Variants in VBP1 observed in about 807,000 individuals in gnomAD.
VBP1 encodes prefoldin subunit 3.
Under a neutral mutation model 15.5 loss-of-function variants are expected in VBP1, and 4 were observed. The ratio of observed to expected loss-of-function variants is 0.26; its 90% CI spans 0.13 to 0.59. The LOEUF is 0.59. Among genes scored for constraint, VBP1 ranks in the 20% least tolerant of loss-of-function variants. VBP1 has a pLI of 0.90. For missense variants in VBP1, 108 were observed against 139.6 expected (o/e 0.77, Z 1.14); for synonymous variants, 61 against 52.1 (o/e 1.17, Z -0.74).
chrX:155,236,729 G>A (rs782678311), intron 5 of VBP1, among the ~76,000 whole-genome samples: 6 of 112,808 alleles, frequency 5.3e-5, no homozygotes, highest in Non-Finnish European at 1.1e-4. Context: ...TAAGTTTGTA[G>A]ATAGATTAGT....
At chrX:155,206,567 G>A (rs1369214505) in intron 1 of VBP1, among the ~76,000 whole-genome samples, 1 of 110,922 alleles carries the variant, frequency 9.0e-6, no homozygotes, top group Non-Finnish European at 1.9e-5. Flanking sequence ...GAAGGAGCAA[G>A]TCAAGTGGAA....
At chrX:155,220,558 C>T (rs1259886760) in intron 2 of VBP1, among the ~76,000 whole-genome samples, 1 of 111,189 alleles carries the variant, frequency 9.0e-6, no homozygotes, top group African/African-American at 3.3e-5. Flanking sequence ...GACTGTATTC[C>T]AAAGCTTTCA....
rs782229870 is a variant in VBP1, at chrX:155,236,210, C to T, written c.385-19C>T. ...CTCTGTGTAAATATTGAGTAATTGT[C>T]ATGACTTTCTCTCTTCAGGCTAATG... On this transcript the variant is annotated intron_variant, in intron 4 of 5. Transcript: ENST00000286428. 1 of 1,202,163 alleles carries T rather than the reference C, an allele frequency of 8.3e-7. No individual in the cohort carries two copies. Among genetic ancestry groups the T allele is most frequent in the South Asian group, 1.8e-5 (1 of 55,427 alleles).
At position 155,220,690 on chromosome X, in the gene VBP1, G is replaced by A. The variant is rs1231633468; in HGVS notation, c.218+383G>A. On this transcript the variant is annotated intron_variant, in intron 2 of 5. Coordinates refer to ENST00000286428, the MANE Select transcript of VBP1 (RefSeq NM_003372.7). ...AATCCCAAGATTTCATAACTAATAG[G>A]CATAGGAAAAAAGCTATCCTTACTC... Among the ~76,000 whole-genome samples the A allele has an allele frequency of 3.6e-5, 4 of 111,701 alleles. No homozygotes were observed. The Admixed American group carries it at 3.8e-4, about 11-fold the overall frequency.
rs185945229 is a variant in VBP1 at position 155,197,792 on chromosome X, G to A, written c.-31+653G>A. On this transcript the variant is annotated intron_variant, in intron 1 of 6. Transcript: ENST00000535916. ...GAGTGCAGCGCACTGTGCGCAAGCC[G>A]AAGCAGGGCGAGGCATTGCCTCACT... is the stretch of plus-strand genomic sequence containing the variant. Among the ~76,000 whole-genome samples the A allele has an allele frequency of 5.2e-3, 581 of 112,467 alleles. 3 individuals carry two copies. Among genetic ancestry groups the A allele is most frequent in the African/African-American group, 0.018 (551 of 31,143 alleles).
rs782580163 is a variant in VBP1, at chrX:155,220,173, G to T, written c.94-10G>T. The stretch of plus-strand genomic sequence containing the variant: ...CTAAAATTTGTAAAGTATTATTTTT[G>T]ATATTAAAGGAAGATGTAGATTCCT... On this transcript the variant is annotated splice_polypyrimidine_tract_variant and intron_variant, in intron 1 of 5. Coordinates refer to ENST00000286428, the MANE Select transcript of VBP1 (RefSeq NM_003372.7). 23 of 1,187,749 alleles carry T rather than the reference G, an allele frequency of 1.9e-5. No individual in the cohort carries two copies. In the Middle Eastern group the frequency reaches 7.1e-4, roughly 37 times the overall value.
In VBP1 at chrX:155,228,371, T is replaced by TC; in HGVS notation, c.286-13_286-12insC. On this transcript the variant is annotated splice_polypyrimidine_tract_variant and intron_variant, in intron 3 of 5. Coordinates refer to ENST00000286428, the MANE Select transcript of VBP1 (RefSeq NM_003372.7). ...CTGTTTATGGTACTGTCATTTTTTT[T>TC]TTTGTTTTGAAGGAGTCCACCAACT... The TC allele has an allele frequency of 8.4e-7, 1 of 1,191,256 alleles. No individual in the cohort carries two copies. Among genetic ancestry groups the TC allele is most frequent in the Non-Finnish European group, 1.1e-6 (1 of 884,589 alleles).
In VBP1 at chrX:155,239,727, T is replaced by C. The variant is rs1569561014; in HGVS notation, c.*885T>C. 1 of 112,398 alleles carries C rather than the reference T, an allele frequency of 8.9e-6. No individual in the cohort carries two copies. Among genetic ancestry groups the C allele is most frequent in the African/African-American group, 3.2e-5 (1 of 30,882 alleles). The allele number at this position is 112,398 out of a possible 1,213,427, so 9.3% of individuals were successfully genotyped here. A position where few individuals can be genotyped will look rare whatever the true frequency, so the allele number is the denominator to read the frequency against. On this transcript the variant is annotated 3_prime_UTR_variant, in exon 6 of 6. Coordinates refer to ENST00000286428, the MANE Select transcript of VBP1 (RefSeq NM_003372.7). Reference sequence around the variant, plus strand: ...ATACAGATTCTGATAAAAACATAAATGTATTAGTTCATCTCCATGTAGTAA... The same window carrying C: ...ATACAGATTCTGATAAAAACATAAACGTATTAGTTCATCTCCATGTAGTAA...
upstream of VBP1, among the ~76,000 whole-genome samples, chrX:155,214,974 C>T (rs1206194628): frequency 9.1e-6 from 1 of 110,017 alleles, no homozygotes; most frequent in African/African-American, 3.3e-5. Context: ...AAAACATGAG[C>T]GATAAGCTGA....
Position 155,239,526 on chromosome X carries a change from G to A in VBP1, c.*684G>A. Reference sequence around the variant, plus strand: ...TTACTCATTCAAAACTCTGCCTAAGGTGATTTTGTAGTTCTTAACAGTTCT... The same window carrying A: ...TTACTCATTCAAAACTCTGCCTAAGATGATTTTGTAGTTCTTAACAGTTCT... On this transcript the variant is annotated 3_prime_UTR_variant, in exon 6 of 6. Coordinates refer to ENST00000286428, the MANE Select transcript of VBP1 (RefSeq NM_003372.7). 8.9e-6 allele frequency: 1 copy of A among 111,903 alleles called. No individual in the cohort carries two copies. The highest frequency in any genetic ancestry group is 1.9e-5 in the Non-Finnish European group (1 of 53,223). The allele number at this position is 111,903 out of a possible 1,213,427, so 9.2% of individuals were successfully genotyped here. A position where few individuals can be genotyped will look rare whatever the true frequency, so the allele number is the denominator to read the frequency against.
intron 4 of VBP1, among the ~76,000 whole-genome samples, chrX:155,228,849 G>A (rs1363969349): frequency 1.8e-5 from 2 of 112,151 alleles, no homozygotes; most frequent in Non-Finnish European, 3.8e-5. Flanking sequence ...TTAGATAAAC[G>A]CTTCTTCCCA....
chrX:155,236,113 A>G (rs2074771424), intron 4 of VBP1, 116 bp from the exon 5 acceptor site: 2 of 843,599 alleles, frequency 2.4e-6, no homozygotes, highest in African/African-American at 2.1e-5. Flanking sequence ...AACTTAACTT[A>G]CAACAAAAGG....
At chrX:155,222,064 A>C (rs2124073724) in intron 2 of VBP1, among the ~76,000 whole-genome samples, 1 of 112,894 alleles carries the variant, frequency 8.9e-6, no homozygotes, top group South Asian at 3.6e-4. Flanking sequence ...GTTTTTGCTT[A>C]GCTGTTTTCT....
exon 2 of VBP1, chrX:155,208,934 C>G: frequency 8.7e-7 from 1 of 1,155,197 alleles, no homozygotes; most frequent in Non-Finnish European, 1.1e-6. Context: ...TCATACCCAG[C>G]AAGGCCTAAG....
chrX:155,235,789 G>T (rs1451331617), intron 4 of VBP1, among the ~76,000 whole-genome samples: 2 of 112,150 alleles, frequency 1.8e-5, no homozygotes, highest in Non-Finnish European at 3.8e-5. Flanking sequence ...GTAGTAGAAA[G>T]ATAGGATTTT....
At chrX:155,217,567 A>G (rs1176689661) in intron 1 of VBP1, among the ~76,000 whole-genome samples, 2 of 111,651 alleles carry the variant, frequency 1.8e-5, no homozygotes, top group Non-Finnish European at 3.8e-5. Flanking sequence ...ATTTATTTAT[A>G]CCACACTTGA....
chrX:155,237,350 A>G (rs2074778881), intron 5 of VBP1, among the ~76,000 whole-genome samples: 1 of 111,405 alleles, frequency 9.0e-6, no homozygotes, highest in Non-Finnish European at 1.9e-5. Flanking sequence ...TCTGCCCATT[A>G]CTGTTCTCGT....
intron 4 of VBP1, 78 bp from the exon 5 acceptor site, chrX:155,236,151 G>A: frequency 6.6e-6 from 7 of 1,066,950 alleles, no homozygotes; most frequent in Admixed American, 2.9e-5. Flanking sequence ...CCTGAGGGCT[G>A]TAGTTTGCCC....
At chrX:155,236,694 A>G (rs2074775048) in intron 5 of VBP1, among the ~76,000 whole-genome samples, 1 of 112,942 alleles carries the variant, frequency 8.9e-6, no homozygotes, top group Admixed American at 9.3e-5. Context: ...GATAATAAAT[A>G]AGATATTCGG....
Sources: allele counts gnomAD v4.1 joint callset (sites outside exome capture counted in the v4.1 genomes callset), GRCh38; gene constraint gnomAD v4.1.1; transcripts MANE v1.5; gene names NCBI Gene and HGNC (gene_info 2026-07-23, HGNC 2026-07-21).